STIM2: variants seen among roughly 807,000 people sequenced by gnomAD.
STIM2 encodes the protein stromal interaction molecule 2.
STIM2 carries 31 observed loss-of-function variants against 85.8 expected under a neutral mutation model. The ratio of observed to expected loss-of-function variants is 0.36; its 90% CI spans 0.27 to 0.49. The LOEUF is 0.49. Among genes scored for constraint, STIM2 ranks in the 20% least tolerant of loss-of-function variants. The pLI, the probability that STIM2 is intolerant of heterozygous loss-of-function variation, is 0.98. For missense variants in STIM2, 841 were observed against 927.6 expected (o/e 0.91, Z 1.21); for synonymous variants, 356 against 331.1 (o/e 1.08, Z -0.82).
Position 27,002,381 on chromosome 4 carries a change from G to T in STIM2, c.790G>T (p.Asp264Tyr), listed in dbSNP as rs1374558417. Residue 264 changes from aspartate to tyrosine, a missense_variant, in exon 6 of 12, where the codon GAC becomes TAC. By Grantham distance (160) the Asp-to-Tyr change is radical. Coordinates refer to ENST00000467087, the MANE Select transcript of STIM2 (RefSeq NM_020860.4). Reference sequence around the variant, plus strand: ...ACAAACTGCAGAGCAAAGTCTAATGGACTTACAGGAGAGGTAAGTTCAGAA... The same window carrying T: ...ACAAACTGCAGAGCAAAGTCTAATGTACTTACAGGAGAGGTAAGTTCAGAA... The T allele has an allele frequency of 6.3e-7, 1 of 1,599,356 alleles. No homozygotes were observed. Among genetic ancestry groups the T allele is most frequent in the Admixed American group, 1.8e-5 (1 of 55,962 alleles).
intron 2 of STIM2, among the ~76,000 whole-genome samples, chr4:26,928,759 A>G (rs1050027175): frequency 6.6e-6 from 1 of 152,208 alleles, no homozygotes; most frequent in Non-Finnish European, 1.5e-5. Flanking sequence ...TTTCAGTGGA[A>G]ATCTTATTGA....
intron 1 of STIM2, among the ~76,000 whole-genome samples, chr4:26,865,345 C>T (rs946663080): frequency 9.2e-5 from 14 of 152,098 alleles, no homozygotes; most frequent in Admixed American, 9.2e-4. Flanking sequence ...CAGAACTGGC[C>T]TCTGTTGGGA....
chr4:26,980,426 A>G (rs1727340384), intron 3 of STIM2, among the ~76,000 whole-genome samples: 1 of 152,098 alleles, frequency 6.6e-6, no homozygotes, highest in African/African-American at 2.4e-5. Context: ...CAGAGTAAGT[A>G]GAATACTTTC....
At chr4:26,943,526 C>T (rs759576033) in intron 2 of STIM2, among the ~76,000 whole-genome samples, 17 of 152,122 alleles carry the variant, frequency 1.1e-4, no homozygotes, top group Non-Finnish European at 2.2e-4. Flanking sequence ...TCTTGCTTTC[C>T]GCAGTGACAA....
intron 1 of STIM2, among the ~76,000 whole-genome samples, chr4:26,916,631 T>C (rs1724590669): frequency 6.6e-6 from 1 of 152,236 alleles, no homozygotes; most frequent in Non-Finnish European, 1.5e-5. Flanking sequence ...AACAGAGCTT[T>C]TAGAGATCTG....
intron 1 of STIM2, among the ~76,000 whole-genome samples, chr4:26,865,087 T>C (rs1722351727): frequency 6.6e-6 from 1 of 152,164 alleles, no homozygotes; most frequent in African/African-American, 2.4e-5. Flanking sequence ...CTTATGACGT[T>C]GTTCTTTCTG....
At chr4:26,863,165 C>T (rs1012947808) in intron 1 of STIM2, among the ~76,000 whole-genome samples, 5 of 151,888 alleles carry the variant, frequency 3.3e-5, no homozygotes, top group Admixed American at 6.6e-5. Context: ...TTTCTCTATA[C>T]TTATTTAAGG....
intron 1 of STIM2, among the ~76,000 whole-genome samples, chr4:26,876,819 C>G (rs1232339876): frequency 1.3e-5 from 2 of 151,934 alleles, no homozygotes. Context: ...CTGTTTTAGA[C>G]TATTTGAGTT....
chr4:26,929,612 A>AT (rs1312535606), intron 2 of STIM2, among the ~76,000 whole-genome samples: 4 of 152,110 alleles, frequency 2.6e-5, no homozygotes, highest in Non-Finnish European at 5.9e-5. Flanking sequence ...GCATTTGAAA[A>AT]TTCTGTTTAA....
At chr4:26,979,781 T>C (rs937742230) in intron 3 of STIM2, among the ~76,000 whole-genome samples, 54 of 152,318 alleles carry the variant, frequency 3.5e-4, no homozygotes, top group African/African-American at 1.3e-3. Flanking sequence ...GGAAAAGCAG[T>C]ACTTTTATAT....
chr4:26,959,219 A>T (rs1387336095), intron 3 of STIM2, among the ~76,000 whole-genome samples: 1 of 151,996 alleles, frequency 6.6e-6, no homozygotes, highest in Non-Finnish European at 1.5e-5. Flanking sequence ...CCTCTCTCTC[A>T]TCTCTTACCT....
chr4:26,996,710 G>C (rs748501333), intron 4 of STIM2, among the ~76,000 whole-genome samples: 1 of 151,938 alleles, frequency 6.6e-6, no homozygotes, highest in African/African-American at 2.4e-5. Context: ...ATAAAATATA[G>C]TTATTTTAAT....
At chr4:27,006,290 C>T (rs1207057681) in intron 7 of STIM2, among the ~76,000 whole-genome samples, 2 of 152,160 alleles carry the variant, frequency 1.3e-5, no homozygotes, top group Admixed American at 6.5e-5. Context: ...CACTAACTGA[C>T]AGCTGTTCTA....
At chr4:26,999,791 A>T (rs571646396) in intron 5 of STIM2, among the ~76,000 whole-genome samples, 1 of 152,182 alleles carries the variant, frequency 6.6e-6, no homozygotes, top group South Asian at 2.1e-4. Context: ...GAAAGCAAAG[A>T]CTCACTTGAA....
At chr4:26,869,374 A>G (rs1722524606) in intron 1 of STIM2, among the ~76,000 whole-genome samples, 1 of 152,020 alleles carries the variant, frequency 6.6e-6, no homozygotes, top group South Asian at 2.1e-4. Flanking sequence ...TCCTAAAAAG[A>G]ACTATAGAGG....
At position 27,017,853 on chromosome 4, in the gene STIM2, T is replaced by C. The variant is rs1560242299; in HGVS notation, c.1632T>C (p.Pro544=). 4.3e-6 allele frequency: 7 copies of C among 1,614,032 alleles called. No homozygotes were observed. Among genetic ancestry groups the C allele is most frequent in the Middle Eastern group, 1.6e-4 (1 of 6,062 alleles). ...CCCACCCGTCACACCCTCGGCACCCTCACCACCCGCAACACACACCACACT... is the reference window on the plus strand; with the variant it reads ...CCCACCCGTCACACCCTCGGCACCCCCACCACCCGCAACACACACCACACT... The change falls in exon 11 of 12, where the codon CCT becomes CCC. Residue 544 remains proline, a synonymous_variant. Coordinates refer to ENST00000467087, the MANE Select transcript of STIM2 (RefSeq NM_020860.4).
At chr4:26,935,756 T>A (rs986709634) in intron 2 of STIM2, among the ~76,000 whole-genome samples, 13 of 152,170 alleles carry the variant, frequency 8.5e-5, no homozygotes, top group Non-Finnish European at 1.5e-5. Flanking sequence ...GTAGACAGTA[T>A]AGTTACAAAT....
At chr4:27,007,934 CTTTT>C in intron 8 of STIM2, 1 of 721,786 alleles carries the variant, frequency 1.4e-6, no homozygotes, top group South Asian at 1.5e-5. Flanking sequence ...AAACATTATT[CTTTT>C]TTATCATTAT....
intron 1 of STIM2, among the ~76,000 whole-genome samples, chr4:26,884,825 T>TTATA (rs1395138477): frequency 6.6e-6 from 1 of 152,144 alleles, no homozygotes; most frequent in Non-Finnish European, 1.5e-5. Context: ...GATCCGTATC[T>TTATA]TATAGGTAAT....
Sources: allele counts gnomAD v4.1 joint callset (sites outside exome capture counted in the v4.1 genomes callset), GRCh38; gene constraint gnomAD v4.1.1; transcripts MANE v1.5; gene names NCBI Gene and HGNC (gene_info 2026-07-23, HGNC 2026-07-21).